Variants in PPP2R2B observed in about 807,000 individuals in gnomAD.
The protein encoded by PPP2R2B is serine/threonine-protein phosphatase 2A 55 kDa regulatory subunit B beta isoform.
In PPP2R2B, 5 loss-of-function variants were observed where a neutral mutation model predicts 46.0. The observed-to-expected ratio is 0.11, with a 90% CI of 0.06 to 0.23. PPP2R2B has a LOEUF of 0.23. Among genes scored for constraint, PPP2R2B ranks in the 10% least tolerant of loss-of-function variants. The pLI, the probability that PPP2R2B is intolerant of heterozygous loss-of-function variation, is 1.00. For missense variants in PPP2R2B, 367 were observed against 575.0 expected, an observed-to-expected ratio of 0.64 and a Z score of 3.70; for synonymous variants, 215 against 206.7, an observed-to-expected ratio of 1.04 and a Z score of -0.34.
At chr5:146,614,912 A>C (rs1361239509) in intron 7 of PPP2R2B, among the ~76,000 whole-genome samples, 1 of 116,864 alleles carries the variant, frequency 8.6e-6, no homozygotes, top group East Asian at 2.7e-4. Flanking sequence ...TGGGACTGTA[A>C]ACTAGTTCAA....
At chr5:146,771,293 T>C (rs1754838921) in intron 2 of PPP2R2B, among the ~76,000 whole-genome samples, 1 of 152,314 alleles carries the variant, frequency 6.6e-6, no homozygotes, top group East Asian at 1.9e-4. Context: ...TCAAAGGCCA[T>C]GTTAAGTGAC....
At chr5:146,877,263 G>A (rs1761949774) in intron 2 of PPP2R2B, among the ~76,000 whole-genome samples, 2 of 152,142 alleles carry the variant, frequency 1.3e-5, no homozygotes, top group African/African-American at 2.4e-5. Flanking sequence ...AGGGAGAGAC[G>A]ACAATTTCAC....
Position 146,638,356 on chromosome 5 carries a change from C to G in PPP2R2B, c.685G>C (p.Glu229Gln), listed in dbSNP as rs745528968. The change falls in exon 7 of 10, where the codon GAG becomes CAG. Residue 229 changes from glutamate to glutamine, a missense_variant. This residue lies in a region of PPP2R2B where 361 missense variants were observed against 545.5 expected (regional missense o/e 0.66). Coordinates refer to ENST00000394411, the MANE Select transcript of PPP2R2B (RefSeq NM_181675.4). ...EELTEVITAA[E>Q]FHPHHCNTFV... is the part of the protein sequence containing the mutation. ...GTGTTGCAATGATGGGGGTGGAACT[C>G]GGCTGCTGTGATCACCTCCGTGAGC... 3 of 1,613,350 alleles carry G rather than the reference C, an allele frequency of 1.9e-6. No homozygotes were observed. The highest frequency in any genetic ancestry group is 1.7e-4 in the Middle Eastern group (1 of 6,060).
At chr5:146,950,948 T>G (rs894220360) in intron 1 of PPP2R2B, among the ~76,000 whole-genome samples, 4 of 151,986 alleles carry the variant, frequency 2.6e-5, no homozygotes, top group African/African-American at 9.7e-5. Flanking sequence ...AGGGTGTAAA[T>G]ACAGTCATCT....
At chr5:146,814,151 A>C (rs1582170668) in intron 2 of PPP2R2B, among the ~76,000 whole-genome samples, 2 of 148,108 alleles carry the variant, frequency 1.4e-5, no homozygotes, top group South Asian at 2.2e-4. Context: ...GGGGTAAAAC[A>C]CTCCCTCCCC....
chr5:147,021,281 A>G (rs1172432591), intron 1 of PPP2R2B, among the ~76,000 whole-genome samples: 1 of 152,210 alleles, frequency 6.6e-6, no homozygotes, highest in Non-Finnish European at 1.5e-5. Context: ...AGGGGCACCC[A>G]AGGAAAACAT....
At chr5:147,020,896 C>T (rs528202223) in intron 1 of PPP2R2B, among the ~76,000 whole-genome samples, 43 of 152,194 alleles carry the variant, frequency 2.8e-4, no homozygotes, top group African/African-American at 8.7e-4. Context: ...TATTTTAGTT[C>T]GAGAACTGTA....
At chr5:146,988,203 C>G (rs978323155) in intron 1 of PPP2R2B, among the ~76,000 whole-genome samples, 1 of 151,746 alleles carries the variant, frequency 6.6e-6, no homozygotes, top group Non-Finnish European at 1.5e-5. Flanking sequence ...CAGCAATGAA[C>G]AAATCATCTA....
rs1775888856 is a variant in PPP2R2B at position 146,650,624 on chromosome 5, C to T, written c.548G>A (p.Ser183Asn). The change falls in exon 6 of 10, where the codon AGC becomes AAC. Residue 183 changes from serine to asparagine, a missense_variant. This residue lies in a region of PPP2R2B where 361 missense variants were observed against 545.5 expected (regional missense o/e 0.66). Coordinates refer to ENST00000394411, the MANE Select transcript of PPP2R2B (RefSeq NM_181675.4). The stretch of plus-strand genomic sequence containing the variant: ...AGCGGACATGTAGGTTTCATAGTCG[C>T]TGTTGACAGATATGGAGTTGATGTG... The part of the protein sequence containing the change: ...TYHINSISVN[S>N]DYETYMSADD... 1 of 1,613,928 alleles carries T rather than the reference C, an allele frequency of 6.2e-7. No homozygotes were observed. Among genetic ancestry groups the T allele is most frequent in the African/African-American group, 1.3e-5 (1 of 74,916 alleles).
intron 7 of PPP2R2B, among the ~76,000 whole-genome samples, chr5:146,620,090 AT>A (rs1318330720): frequency 6.6e-6 from 1 of 152,088 alleles, no homozygotes; most frequent in African/African-American, 2.4e-5. Flanking sequence ...GCTTGGAGAG[AT>A]AGGGACCCAA....
At chr5:146,997,073 T>C (rs926944508) in intron 1 of PPP2R2B, among the ~76,000 whole-genome samples, 6 of 152,212 alleles carry the variant, frequency 3.9e-5, no homozygotes, top group African/African-American at 1.2e-4. Context: ...AAGTTCTAGA[T>C]TTTTTCCAGT....
chr5:147,060,913 G>A (rs575981604), upstream of PPP2R2B, among the ~76,000 whole-genome samples: 200 of 152,270 alleles, frequency 1.3e-3, 1 homozygote, highest in African/African-American at 4.4e-3. Flanking sequence ...AGTTTGATAA[G>A]TACATGCTGG....
chr5:146,778,961 A>G (rs1040369157), intron 2 of PPP2R2B, among the ~76,000 whole-genome samples: 5 of 152,222 alleles, frequency 3.3e-5, no homozygotes, highest in African/African-American at 1.2e-4. Flanking sequence ...CCAGCTGATC[A>G]GAAAACATTT....
intron 2 of PPP2R2B, chr5:146,856,480 T>C (rs201554442): frequency 2.2e-4 from 334 of 1,530,036 alleles, no homozygotes; most frequent in Middle Eastern, 1.4e-3. Context: ...AGAGTAGGTA[T>C]AAATAATAAT....
intron 5 of PPP2R2B, among the ~76,000 whole-genome samples, chr5:146,658,390 T>C (rs1359389601): frequency 6.6e-6 from 1 of 152,162 alleles, no homozygotes; most frequent in Non-Finnish European, 1.5e-5. Flanking sequence ...CTTCATGACT[T>C]TTTAGTAACA....
At chr5:146,936,708 C>T (rs748285482) in intron 1 of PPP2R2B, among the ~76,000 whole-genome samples, 6 of 152,040 alleles carry the variant, frequency 3.9e-5, no homozygotes, top group South Asian at 2.1e-4. Context: ...TTAGCCCCTA[C>T]GGCTGTGGGC....
intron 1 of PPP2R2B, among the ~76,000 whole-genome samples, chr5:146,936,741 C>T (rs1235989999): frequency 6.6e-6 from 1 of 152,028 alleles, no homozygotes; most frequent in African/African-American, 2.4e-5. Context: ...TGTTAATACT[C>T]TAACACACCT....
chr5:146,788,342 A>C (rs1003798643), intron 2 of PPP2R2B, among the ~76,000 whole-genome samples: 1 of 145,728 alleles, frequency 6.9e-6, no homozygotes, highest in African/African-American at 2.7e-5. Context: ...GGTTTAAAGA[A>C]AAAAAAAAAG....
rs544225398 is a variant in PPP2R2B at position 146,770,355 on chromosome 5, A to T, written c.71-69213T>A. ...CAAAAAAAAAAAAAAAAAAAAAAAA[A>T]GAATGAAGAATTCAAAAATTATCCT... On this transcript the variant is annotated intron_variant, in intron 2 of 9. Transcript: ENST00000394411. Among the ~76,000 whole-genome samples the T allele has an allele frequency of 8.5e-3, 1,129 of 132,532 alleles. 23 individuals carry two copies. The highest frequency in any genetic ancestry group is 0.029 in the African/African-American group (1,086 of 37,042). 86.9% of individuals were successfully genotyped at this position (132,532 alleles called of 152,430 possible).
Sources: gnomAD v4.1 joint callset for allele counts (sites outside exome capture counted in the v4.1 genomes callset) on GRCh38, gnomAD v4.1.1 for gene constraint, gnomAD v4.1.1 regional missense constraint, MANE v1.5 for transcripts, NCBI Gene and HGNC (gene_info 2026-07-23, HGNC 2026-07-21) for gene names.